Variants in PELP1 observed in about 807,000 individuals in gnomAD.
PELP1 encodes the protein proline, glutamate and leucine rich protein 1.
In PELP1, 32 loss-of-function variants were observed where a neutral mutation model predicts 95.5. The observed-to-expected ratio is 0.34, with a 90% CI of 0.25 to 0.45. PELP1 has a LOEUF of 0.45. PELP1 is among the 20% of genes least tolerant of loss of function. The probability of loss-of-function intolerance (pLI) is 1.00; values close to 1 mark genes in which losing one functional copy is unlikely to be tolerated. For missense variants in PELP1, 1,358 were observed against 1,444.8 expected (o/e 0.94, Z 0.97); for synonymous variants, 668 against 600.1 (o/e 1.11, Z -1.65).
At chr17:4,671,636 T>A in intron 16 of PELP1, 55 bp downstream of exon 16, 1 of 1,600,232 alleles carries the variant, frequency 6.2e-7, no homozygotes, top group Non-Finnish European at 8.5e-7. Flanking sequence ...TGCCACCCCT[T>A]CTCCCGCCAG....
chr17:4,697,711 C>A (rs1913349349), intron 1 of PELP1, among the ~76,000 whole-genome samples: 1 of 152,080 alleles, frequency 6.6e-6, no homozygotes, highest in African/African-American at 2.4e-5. Flanking sequence ...TTTCACCCAG[C>A]AAAGGGTTGT....
chr17:4,673,027 T>G lies in PELP1; in HGVS notation c.1964A>C (p.Glu655Ala). The G allele has an allele frequency of 6.5e-7, 1 of 1,533,190 alleles. No individual in the cohort carries two copies. The highest frequency in any genetic ancestry group is 8.7e-7 in the Non-Finnish European group (1 of 1,143,144). The allele number at this position is 1,533,190 out of a possible 1,614,324, so 95.0% of individuals were successfully genotyped here. A position where few individuals can be genotyped will look rare whatever the true frequency, so the allele number is the denominator to read the frequency against. ...TGGGGCCCTGAAGGGCGATGGGGCC[T>G]CAGGAGGGGGAACTGGAGCAGGTGT... Reference protein sequence around the residue: ...CPTPAPVPPPEAPSPFRAPPF... With the variant: ...CPTPAPVPPPAAPSPFRAPPF... Residue 655 changes from glutamate to alanine, a missense_variant, in exon 16 of 17, where the codon GAG becomes GCG. Glu to Ala is a moderately radical substitution (Grantham distance 107, BLOSUM62 -1). Around this residue, in one of 7 missense-constraint regions of PELP1, gnomAD observed 340 missense variants for 322.9 expected, o/e 1.05. Transcript: ENST00000572293. The surrounding 1 kb of genome is among the most constrained non-coding windows in gnomAD (Gnocchi z 5.7).
intron 3 of PELP1, chr17:4,683,162 T>TG (rs1026906361): frequency 5.1e-5 from 53 of 1,045,232 alleles, no homozygotes; most frequent in Non-Finnish European, 6.2e-5. Flanking sequence ...GGAATTTGTG[T>TG]GGGGGAAAAA....
At chr17:4,703,715 C>G in intron 1 of PELP1, 148 bp downstream of exon 1, 1 of 672,108 alleles carries the variant, frequency 1.5e-6, no homozygotes, top group South Asian at 1.9e-5. Flanking sequence ...ACGTGCATCC[C>G]GTCCGGACTG....
chr17:4,673,451 C>G lies in PELP1; in HGVS notation c.1644G>C (p.Leu548=), dbSNP rs1428198960. 3 of 1,588,436 alleles carry G rather than the reference C, an allele frequency of 1.9e-6. No individual in the cohort carries two copies. Among genetic ancestry groups the G allele is most frequent in the Non-Finnish European group, 2.6e-6 (3 of 1,167,328 alleles). ...PLIKEETHRR[L]HDLVLPLVMG... is the part of the protein sequence containing the mutation. ...TGACCAGGGGGAGGACCAGGTCATG[C>G]AGTCTCTGAAAAGGACAGAGCACAC... is the stretch of plus-strand genomic sequence containing the variant. The change falls in exon 15 of 17, where the codon CTG becomes CTC. Residue 548 remains leucine (L), a synonymous_variant. Transcript: ENST00000572293. The surrounding 1 kb of genome is among the most constrained non-coding windows in gnomAD (Gnocchi z 5.7).
At chr17:4,695,325 A>AAAAATAAAT (rs113799432) in intron 1 of PELP1, among the ~76,000 whole-genome samples, 5 of 150,178 alleles carry the variant, frequency 3.3e-5, no homozygotes, top group Non-Finnish European at 7.4e-5. Context: ...CCGTCTGGAA[A>AAAAATAAAT]AAATAAATAA....
intron 1 of PELP1, among the ~76,000 whole-genome samples, chr17:4,698,370 G>A (rs1343902871): frequency 2.0e-5 from 3 of 151,816 alleles, no homozygotes; most frequent in Admixed American, 1.3e-4. Context: ...AGCTGGGCGC[G>A]GTGGCTCACG....
rs747766183 is a variant in PELP1, at chr17:4,671,846, G to A, written c.3145C>T (p.Pro1049Ser). ...TCTTCTTCAACAAGCTCCTGGGGAG[G>A]GGGCCCTGCCGCAGGGCTTTCCCCT... Reference protein sequence around the residue: ...REGESPAAGPPPQELVEEEPS... With the variant: ...REGESPAAGPSPQELVEEEPS... Residue 1049 changes from proline (P) to serine (S), a missense_variant, in exon 16 of 17, where the codon CCT becomes TCT. Pro to Ser is a moderately conservative substitution (Grantham distance 74). Transcript: ENST00000572293. 1.3e-6 allele frequency: 2 copies of A among 1,512,310 alleles called. No homozygotes were observed. Among genetic ancestry groups the A allele is most frequent in the African/African-American group, 1.4e-5 (1 of 71,378 alleles). 93.7% of individuals were successfully genotyped at this position (1,512,310 alleles called of 1,614,324 possible).
chr17:4,677,988 A>G (rs1247726072), intron 5 of PELP1, among the ~76,000 whole-genome samples: 2 of 151,696 alleles, frequency 1.3e-5, no homozygotes, highest in Non-Finnish European at 2.9e-5. Context: ...GGCTGAGGTG[A>G]GCAGATCACG....
intron 1 of PELP1, among the ~76,000 whole-genome samples, chr17:4,696,072 G>A (rs1163863757): frequency 6.7e-6 from 1 of 149,464 alleles, no homozygotes; most frequent in African/African-American, 2.5e-5. Context: ...GCTCATGACT[G>A]TAATCCCAAC....
intron 1 of PELP1, among the ~76,000 whole-genome samples, chr17:4,698,009 T>C (rs866353460): frequency 6.5e-4 from 56 of 85,952 alleles, no homozygotes; most frequent in African/African-American, 2.4e-3. Flanking sequence ...TTCTGCAAGG[T>C]TTTTTTTTTT....
At chr17:4,695,325 A>AAAATAAATAAAT (rs61070616) in intron 1 of PELP1, among the ~76,000 whole-genome samples, 31 of 150,172 alleles carry the variant, frequency 2.1e-4, no homozygotes, top group Admixed American at 1.5e-3. Context: ...CCGTCTGGAA[A>AAAATAAATAAAT]AAATAAATAA....
At position 4,673,667 on chromosome 17, in the gene PELP1, G is replaced by A; in HGVS notation, c.1590C>T (p.Ser530=). The change falls in exon 14 of 17, where the codon AGC becomes AGT. Residue 530 remains serine, a synonymous_variant. Transcript: ENST00000572293. The surrounding 1 kb of genome is among the most constrained non-coding windows in gnomAD (Gnocchi z 5.7). ...GAGGCCCACACATGAGGATGGTCCG[G>A]CTGAGGCCTGGGGAAGAAGAATGGT... ...DVCAAALRGL[S]RTILMCGPLI... 6.2e-7 allele frequency: 1 copy of A among 1,613,788 alleles called. No individual in the cohort carries two copies. The highest frequency in any genetic ancestry group is 8.5e-7 in the Non-Finnish European group (1 of 1,179,732).
rs571210213 is a variant in PELP1 at position 4,674,665 on chromosome 17, C to T, written c.1427G>A (p.Arg476His). The T allele has an allele frequency of 7.5e-6, 12 of 1,596,040 alleles. No individual in the cohort carries two copies. The highest frequency in any genetic ancestry group is 1.7e-4 in the Middle Eastern group (1 of 5,956). Residue 476 changes from arginine to histidine, a missense_variant, in exon 13 of 17, where the codon CGT becomes CAT. By Grantham distance (29) the Arg-to-His change is conservative. Coordinates refer to ENST00000572293, the MANE Select transcript of PELP1 (RefSeq NM_014389.3). ...ISPPADALKL[R>H]SPRGSPDGSL... is the part of the protein sequence containing the mutation. Reference sequence around the variant, plus strand: ...CCCATCAGGGCTCCCCCGCGGGCTACGCAGCTGGAGGCAGAGAAAACATAA... The same window carrying T: ...CCCATCAGGGCTCCCCCGCGGGCTATGCAGCTGGAGGCAGAGAAAACATAA...
At chr17:4,676,011 C>G (rs75090909) in intron 8 of PELP1, 25 bp downstream of exon 8, 8 of 1,612,828 alleles carry the variant, frequency 5.0e-6, no homozygotes, top group Non-Finnish European at 5.9e-6. Context: ...TCCACGCCTC[C>G]GCTCCCTCCA....
rs1284506203 is a variant in PELP1, at chr17:4,671,845, G to A, written c.3146C>T (p.Pro1049Leu). ...CTCTTCTTCAACAAGCTCCTGGGGA[G>A]GGGGCCCTGCCGCAGGGCTTTCCCC... The part of the protein sequence containing the change: ...REGESPAAGP[P>L]PQELVEEEPS... Residue 1049 changes from proline to leucine, a missense_variant, in exon 16 of 17, where the codon CCT becomes CTT. By Grantham distance (98) the Pro-to-Leu change is moderately conservative (BLOSUM62 -3). Around this residue, in one of 7 missense-constraint regions of PELP1, gnomAD observed 283 missense variants for 284.1 expected, o/e 1.00. Transcript: ENST00000572293. The A allele has an allele frequency of 5.7e-5, 86 of 1,512,990 alleles. No individual in the cohort carries two copies. The highest frequency in any genetic ancestry group is 7.4e-5 in the Non-Finnish European group (84 of 1,135,218). The allele number at this position is 1,512,990 out of a possible 1,614,324, so 93.7% of individuals were successfully genotyped here.
chr17:4,699,897 A>ATTTTTTTT (rs34806511), intron 1 of PELP1, among the ~76,000 whole-genome samples: 5 of 86,738 alleles, frequency 5.8e-5, no homozygotes, highest in Admixed American at 3.4e-4. Context: ...CTAGAGGGTG[A>ATTTTTTTT]TTTTTTTTTT....
chr17:4,683,011 AG>A (rs2150558227), intron 3 of PELP1, 59 bp from the exon 4 acceptor site: 2 of 1,406,872 alleles, frequency 1.4e-6, no homozygotes, highest in East Asian at 2.7e-5. Flanking sequence ...ACCAAAGAGC[AG>A]CAGGAGAAAA....
chr17:4,679,012 A>G (rs1247834259), intron 5 of PELP1, among the ~76,000 whole-genome samples: 1 of 151,254 alleles, frequency 6.6e-6, no homozygotes, highest in Non-Finnish European at 1.5e-5. Flanking sequence ...CCCTCAACAG[A>G]GGGAAGTTCT....
Sources: allele counts gnomAD v4.1 joint callset (sites outside exome capture counted in the v4.1 genomes callset), GRCh38; gene constraint gnomAD v4.1.1; regional missense constraint gnomAD v4.1.1; non-coding constraint Gnocchi (gnomAD v3.1); transcripts MANE v1.5; gene names NCBI Gene and HGNC (gene_info 2026-07-23, HGNC 2026-07-21).